Variants in ZNF365 observed in about 807,000 individuals in gnomAD.
The protein encoded by ZNF365 is zinc finger protein 365.
Under a neutral mutation model 35.0 loss-of-function variants are expected in ZNF365, and 22 were observed. That is an observed-to-expected ratio of 0.63 (90% CI 0.45 to 0.90). The LOEUF is 0.90. ZNF365 is among the 40% of genes least tolerant of loss of function. The pLI, the probability that ZNF365 is intolerant of heterozygous loss-of-function variation, is 0.00. For synonymous variants in ZNF365, 188 were observed against 196.2 expected, an observed-to-expected ratio of 0.96 and a Z score of 0.35; for missense variants, 448 against 500.3, an observed-to-expected ratio of 0.90 and a Z score of 1.00.
chr10:62,409,902 T>G (rs1007963676), intron 3 of ZNF365, among the ~76,000 whole-genome samples: 10 of 152,114 alleles, frequency 6.6e-5, no homozygotes, highest in Non-Finnish European at 1.5e-4. Context: ...TGAAGTTTTC[T>G]GAACCATCAG....
At chr10:62,403,196 C>CGTGT (rs1839856544), downstream of ZNF365, among the ~76,000 whole-genome samples, 1 of 151,994 alleles carries the variant, frequency 6.6e-6, no homozygotes, top group Admixed American at 6.6e-5. Flanking sequence ...GAGAAAAGGA[C>CGTGT]ATGTTAGTAA....
At position 62,476,843 on chromosome 10, in the gene ZNF365, A is replaced by G. The variant is rs374493695; in HGVS notation, c.982-3033A>G. Among the ~76,000 whole-genome samples, 64 of 152,364 alleles carry G rather than the reference A, an allele frequency of 4.2e-4. 1 individual carries two copies. In the South Asian group the frequency reaches 0.013, roughly 31 times the overall value. ...CAGAAAAATACCATTTTAATGTTTC[A>G]TGCTGTTAGGGCATTTGTACACTGG... On this transcript the variant is annotated intron_variant, in intron 4 of 4. Coordinates refer to the ZNF365 transcript ENST00000395255.
At chr10:62,425,935 T>C (rs972870915) in intron 3 of ZNF365, among the ~76,000 whole-genome samples, 1 of 152,122 alleles carries the variant, frequency 6.6e-6, no homozygotes, top group African/African-American at 2.4e-5. Context: ...AATGAATAAA[T>C]AATAAGATGC....
chr10:62,455,376 A>G (rs554399817), intron 3 of ZNF365, among the ~76,000 whole-genome samples: 3 of 152,316 alleles, frequency 2.0e-5, no homozygotes, highest in South Asian at 2.1e-4. Context: ...GATGTAGAAC[A>G]CTGTTCATCT....
chr10:62,404,184 C>T (rs939207527), downstream of ZNF365, among the ~76,000 whole-genome samples: 1 of 152,180 alleles, frequency 6.6e-6, no homozygotes, highest in Non-Finnish European at 1.5e-5. Context: ...CTCCTTCCCA[C>T]CCTGTAATGG....
chr10:62,464,561 G>A (rs1405033768), intron 4 of ZNF365, among the ~76,000 whole-genome samples: 1 of 152,236 alleles, frequency 6.6e-6, no homozygotes, highest in African/African-American at 2.4e-5. Context: ...TAAGGATTGT[G>A]AGGCAATGCC....
At chr10:62,447,268 A>G (rs181431963) in intron 3 of ZNF365, among the ~76,000 whole-genome samples, 72 of 152,318 alleles carry the variant, frequency 4.7e-4, no homozygotes, top group Non-Finnish European at 9.3e-4. Flanking sequence ...TCCCCTTTAC[A>G]TACAAGCTAA....
At chr10:62,405,209 A>G (rs1839887642), downstream of ZNF365, among the ~76,000 whole-genome samples, 1 of 152,224 alleles carries the variant, frequency 6.6e-6, no homozygotes, top group Admixed American at 6.5e-5. Flanking sequence ...CAGCACTGGA[A>G]GATAAATTGG....
At chr10:62,403,597 G>T (rs1839864132), downstream of ZNF365, among the ~76,000 whole-genome samples, 1 of 152,216 alleles carries the variant, frequency 6.6e-6, no homozygotes, top group Non-Finnish European at 1.5e-5. Flanking sequence ...AGCGGAGCTT[G>T]CAGTGAGCTG....
At chr10:62,395,504 ATTTT>A (rs67866839) in intron 3 of ZNF365, among the ~76,000 whole-genome samples, 3 of 98,462 alleles carry the variant, frequency 3.0e-5, no homozygotes, top group South Asian at 3.7e-4. Context: ...CACCCGGCTA[ATTTT>A]TTTTTTTTTT....
downstream of ZNF365, among the ~76,000 whole-genome samples, chr10:62,404,002 G>A (rs931107169): frequency 2.0e-5 from 3 of 152,136 alleles, no homozygotes; most frequent in Admixed American, 6.5e-5. Context: ...TTTTTCTTTT[G>A]TGTTCCTTTT....
intron 2 of ZNF365, among the ~76,000 whole-genome samples, chr10:62,386,177 C>T (rs1022758670): frequency 2.7e-4 from 41 of 152,274 alleles, no homozygotes; most frequent in Admixed American, 2.4e-3. Context: ...GCCCGCCACT[C>T]GTTTGCTGCT....
intron 3 of ZNF365, among the ~76,000 whole-genome samples, chr10:62,449,586 A>G (rs1188167952): frequency 6.6e-6 from 1 of 152,192 alleles, no homozygotes; most frequent in Non-Finnish European, 1.5e-5. Context: ...ATTTTACAAT[A>G]TAATATTTGA....
intron 3 of ZNF365, among the ~76,000 whole-genome samples, chr10:62,444,410 A>G (rs1321975734): frequency 1.3e-5 from 2 of 152,104 alleles, no homozygotes; most frequent in Non-Finnish European, 2.9e-5. Flanking sequence ...AATTACTTCA[A>G]ATTACAGCTT....
At chr10:62,379,788 C>T (rs140124275) in intron 2 of ZNF365, among the ~76,000 whole-genome samples, 24 of 152,274 alleles carry the variant, frequency 1.6e-4, no homozygotes, top group African/African-American at 5.8e-4. Flanking sequence ...GCTGTTGCTT[C>T]CACCAAAGAG....
Position 62,400,099 on chromosome 10 carries a change from G to A in ZNF365, c.*310G>A. 1 of 1,091,848 alleles carries A rather than the reference G, an allele frequency of 9.2e-7. No individual in the cohort carries two copies. Among genetic ancestry groups the A allele is most frequent in the Non-Finnish European group, 1.1e-6 (1 of 896,632 alleles). 67.6% of individuals were successfully genotyped at this position (1,091,848 alleles called of 1,614,324 possible). On this transcript the variant is annotated 3_prime_UTR_variant, in exon 5 of 5. Coordinates refer to ENST00000395254, the MANE Select transcript of ZNF365 (RefSeq NM_014951.3). ...GTAATCTTGGCATCTGGGCTTCTATGCAGTGGTCACTAATTTTCAGGACCA... is the reference window on the plus strand; with the variant it reads ...GTAATCTTGGCATCTGGGCTTCTATACAGTGGTCACTAATTTTCAGGACCA...
At chr10:62,441,603 T>C (rs1205821138) in intron 3 of ZNF365, among the ~76,000 whole-genome samples, 1 of 152,110 alleles carries the variant, frequency 6.6e-6, no homozygotes, top group Admixed American at 6.6e-5. Context: ...TACAGCTCCA[T>C]GGTTGTGTCC....
At chr10:62,392,632 G>C (rs59634811) in intron 3 of ZNF365, among the ~76,000 whole-genome samples, 1 of 151,434 alleles carries the variant, frequency 6.6e-6, no homozygotes, top group Admixed American at 6.6e-5. Context: ...TTGTTTGTTT[G>C]TTTGTTTGTT....
intron 4 of ZNF365, among the ~76,000 whole-genome samples, chr10:62,467,508 CT>C (rs1486768752): frequency 6.6e-6 from 1 of 152,152 alleles, no homozygotes; most frequent in African/African-American, 2.4e-5. Context: ...GCAAGATTGT[CT>C]TTTTTGGCAG....
Sources: allele counts gnomAD v4.1 joint callset (sites outside exome capture counted in the v4.1 genomes callset), GRCh38; gene constraint gnomAD v4.1.1; transcripts MANE v1.5; gene names NCBI Gene and HGNC (gene_info 2026-07-23, HGNC 2026-07-21).